The following GRM7 variants were observed in gnomAD, a reference collection of about 807,000 sequenced individuals.
GRM7 encodes glutamate metabotropic receptor 7, also known as metabotropic glutamate receptor 7.
GRM7 carries 35 observed loss-of-function variants against 84.5 expected under a neutral mutation model. That is an observed-to-expected ratio of 0.41 (90% confidence interval 0.32 to 0.55). The LOEUF is 0.55. Ranked by LOEUF, GRM7 falls within the 20% of genes least tolerant of loss-of-function variation. The pLI is 0.19. For synonymous variants in GRM7, 487 were observed against 455.1 expected (o/e 1.07, Z -0.89); for missense variants, 1,003 against 1,194.6 (o/e 0.84, Z 2.36).
At chr3:7,512,157 AGAAAAG>A (rs1379147127) in intron 7 of GRM7, among the ~76,000 whole-genome samples, 10 of 151,996 alleles carry the variant, frequency 6.6e-5, no homozygotes, top group Admixed American at 5.9e-4. Context: ...GAAATAAAAA[AGAAAAG>A]AAAAGAAAAG....
chr3:7,250,071 G>A (rs1469606269), intron 2 of GRM7, among the ~76,000 whole-genome samples: 1 of 152,160 alleles, frequency 6.6e-6, no homozygotes, highest in African/African-American at 2.4e-5. Flanking sequence ...GGAAATGTAG[G>A]CTTTATTATT....
intron 1 of GRM7, among the ~76,000 whole-genome samples, chr3:7,020,155 T>C (rs866896374): frequency 9.2e-5 from 14 of 152,280 alleles, no homozygotes; most frequent in African/African-American, 3.1e-4. Flanking sequence ...CCAAGATAGA[T>C]TTTTCTCTAA....
chr3:7,249,713 T>G (rs1235796958), intron 2 of GRM7, among the ~76,000 whole-genome samples: 1 of 151,836 alleles, frequency 6.6e-6, no homozygotes, highest in Non-Finnish European at 1.5e-5. Flanking sequence ...AAAAAAAAAC[T>G]GTGGAAATTA....
chr3:6,912,188 A>G lies in GRM7; in HGVS notation c.519+50281A>G, dbSNP rs145068557. Among the ~76,000 whole-genome samples, 46 of 152,304 alleles carry G rather than the reference A, an allele frequency of 3.0e-4. No individual in the cohort carries two copies. The East Asian group carries it at 6.4e-3, about 21-fold the overall frequency. On this transcript the variant is annotated intron_variant, in intron 1 of 9. Coordinates refer to ENST00000357716, the MANE Select transcript of GRM7 (RefSeq NM_000844.4). The stretch of plus-strand genomic sequence containing the variant: ...AAGTAAAGGAAAGTAATAAAAAAGA[A>G]TTTTATAATTAGTGAAATATGTTTG...
At chr3:7,203,477 T>C (rs1276884620) in intron 2 of GRM7, among the ~76,000 whole-genome samples, 3 of 152,180 alleles carry the variant, frequency 2.0e-5, no homozygotes. Context: ...TCTCATATTT[T>C]CTTTATCTTT....
At chr3:7,027,672 A>G (rs1323865552) in intron 1 of GRM7, among the ~76,000 whole-genome samples, 1 of 152,130 alleles carries the variant, frequency 6.6e-6, no homozygotes. Flanking sequence ...TTGTCACTTC[A>G]TTGGTTAAAA....
intron 1 of GRM7, among the ~76,000 whole-genome samples, chr3:6,916,475 CTAAG>C (rs1334972611): frequency 6.6e-6 from 1 of 152,128 alleles, no homozygotes; most frequent in African/African-American, 2.4e-5. Flanking sequence ...ATACCTTTGA[CTAAG>C]TAATTTATAA....
At chr3:7,501,182 C>T (rs1432161836) in intron 7 of GRM7, among the ~76,000 whole-genome samples, 1 of 152,148 alleles carries the variant, frequency 6.6e-6, no homozygotes, top group Non-Finnish European at 1.5e-5. Context: ...GATTCTAAAA[C>T]AAGCCCATAA....
intron 1 of GRM7, among the ~76,000 whole-genome samples, chr3:6,877,932 T>C (rs2124956074): frequency 7.1e-6 from 1 of 141,314 alleles, no homozygotes; most frequent in Admixed American, 7.1e-5. Flanking sequence ...GCTGATCAGA[T>C]TTAACTCAAT....
chr3:6,942,985 T>C (rs1697942654), intron 1 of GRM7, among the ~76,000 whole-genome samples: 1 of 152,082 alleles, frequency 6.6e-6, no homozygotes, highest in South Asian at 2.1e-4. Flanking sequence ...ATTTTTATTA[T>C]ATCATTGGAT....
intron 7 of GRM7, among the ~76,000 whole-genome samples, chr3:7,488,817 T>C (rs1198985426): frequency 1.3e-5 from 2 of 152,296 alleles, no homozygotes; most frequent in South Asian, 2.1e-4. Flanking sequence ...CTCCTCACTA[T>C]TTTTTGTTCC....
intron 4 of GRM7, among the ~76,000 whole-genome samples, chr3:7,414,818 C>CAATG (rs1297125211): frequency 1.3e-5 from 2 of 151,902 alleles, no homozygotes; most frequent in African/African-American, 4.8e-5. Context: ...TAACTACCTA[C>CAATG]CTGTCAGATT....
intron 2 of GRM7, among the ~76,000 whole-genome samples, chr3:7,153,937 C>G (rs1454915050): frequency 6.6e-6 from 1 of 151,974 alleles, no homozygotes; most frequent in African/African-American, 2.4e-5. Flanking sequence ...TAACTAAATC[C>G]CAAAGGTAAG....
intron 8 of GRM7, among the ~76,000 whole-genome samples, chr3:7,645,626 C>A (rs1341096610): frequency 6.7e-6 from 1 of 149,470 alleles, no homozygotes; most frequent in African/African-American, 2.5e-5. Context: ...ACCTAATTGA[C>A]AAGCTAATCT....
At chr3:7,041,559 A>G (rs1405633552) in intron 1 of GRM7, among the ~76,000 whole-genome samples, 1 of 152,260 alleles carries the variant, frequency 6.6e-6, no homozygotes, top group Admixed American at 6.5e-5. Flanking sequence ...GTATATTTCT[A>G]CTATTACAAG....
intron 7 of GRM7, among the ~76,000 whole-genome samples, chr3:7,484,225 T>G (rs1699239445): frequency 6.6e-6 from 1 of 152,128 alleles, no homozygotes; most frequent in African/African-American, 2.4e-5. Context: ...GTGGGTTTGT[T>G]TTTTGGTAGA....
intron 2 of GRM7, among the ~76,000 whole-genome samples, chr3:7,213,904 T>C (rs1037516530): frequency 1.3e-5 from 2 of 152,086 alleles, no homozygotes; most frequent in Non-Finnish European, 2.9e-5. Flanking sequence ...TCTACCCTAA[T>C]AGATGAGGAT....
At chr3:7,043,724 C>T (rs970716378) in intron 1 of GRM7, among the ~76,000 whole-genome samples, 1 of 152,196 alleles carries the variant, frequency 6.6e-6, no homozygotes, top group African/African-American at 2.4e-5. Flanking sequence ...GTTCTCTTGG[C>T]ATGATCCCTA....
At chr3:6,950,284 C>G (rs1692687680) in intron 1 of GRM7, among the ~76,000 whole-genome samples, 2 of 152,176 alleles carry the variant, frequency 1.3e-5, no homozygotes, top group South Asian at 4.1e-4. Context: ...AGTCAGGACC[C>G]TCAGCTGCAG....
Sources: allele counts gnomAD v4.1 joint callset (sites outside exome capture counted in the v4.1 genomes callset), GRCh38; gene constraint gnomAD v4.1.1; transcripts MANE v1.5; gene names NCBI Gene and HGNC (gene_info 2026-07-23, HGNC 2026-07-21).